The following KCNK9 variants were observed in gnomAD, a reference collection of about 807,000 sequenced individuals.
KCNK9 encodes potassium two pore domain channel subfamily K member 9, also known as potassium channel subfamily K member 9.
Under a neutral mutation model 10.8 loss-of-function variants are expected in KCNK9, and 1 was observed. That is an observed-to-expected ratio of 0.09 (90% CI 0.03 to 0.44). KCNK9 has a LOEUF of 0.44. Among genes scored for constraint, KCNK9 ranks in the 20% least tolerant of loss-of-function variants. The pLI is 0.97. For synonymous variants in KCNK9, 231 were observed against 222.7 expected, an observed-to-expected ratio of 1.04 and a Z score of -0.33; for missense variants, 303 against 515.0, an observed-to-expected ratio of 0.59 and a Z score of 3.98.
chr8:139,643,840 C>T (rs1269769815), intron 1 of KCNK9, among the ~76,000 whole-genome samples: 1 of 152,198 alleles, frequency 6.6e-6, no homozygotes, highest in Admixed American at 6.5e-5. Flanking sequence ...TCAGGTAGGC[C>T]CGCAGGTTCA....
At chr8:139,658,792 G>A (rs918831056) in intron 1 of KCNK9, among the ~76,000 whole-genome samples, 4 of 152,256 alleles carry the variant, frequency 2.6e-5, no homozygotes, top group Non-Finnish European at 5.9e-5. Context: ...TGTCCAGGAA[G>A]CGAGGTGGCT....
chr8:139,677,735 C>T (rs567644351), intron 1 of KCNK9, among the ~76,000 whole-genome samples: 2 of 146,246 alleles, frequency 1.4e-5, no homozygotes, highest in South Asian at 4.1e-4. Context: ...CCAACGGGTC[C>T]CTACAGCTTC....
At chr8:139,626,958 C>T (rs1377220957) in intron 1 of KCNK9, among the ~76,000 whole-genome samples, 2 of 152,162 alleles carry the variant, frequency 1.3e-5, no homozygotes, top group Non-Finnish European at 2.9e-5. Flanking sequence ...GAGCTTCGGC[C>T]CCGCTCAGGC....
At chr8:139,675,421 T>C (rs1256354624) in intron 1 of KCNK9, among the ~76,000 whole-genome samples, 2 of 152,182 alleles carry the variant, frequency 1.3e-5, no homozygotes, top group Non-Finnish European at 2.9e-5. Flanking sequence ...AGGAGGCAAT[T>C]AGGTCCTGGG....
intron 1 of KCNK9, among the ~76,000 whole-genome samples, chr8:139,700,485 TACACACACACACAC>T (rs374444340): frequency 3.6e-4 from 52 of 142,872 alleles, no homozygotes; most frequent in African/African-American, 1.2e-3. Flanking sequence ...CACATACACA[TACACACACACACAC>T]ACACACACAC....
chr8:139,615,229 C>G (rs1814547381), downstream of KCNK9, among the ~76,000 whole-genome samples: 1 of 152,008 alleles, frequency 6.6e-6, no homozygotes, highest in Non-Finnish European at 1.5e-5. Flanking sequence ...AATCCTCTCT[C>G]TGTGACCTCT....
intron 1 of KCNK9, among the ~76,000 whole-genome samples, chr8:139,635,487 G>A (rs1815309754): frequency 6.6e-6 from 1 of 152,182 alleles, no homozygotes; most frequent in Non-Finnish European, 1.5e-5. Flanking sequence ...GTCCTGGTGA[G>A]CCCACCTCAT....
At chr8:139,633,573 G>A (rs986530718) in intron 1 of KCNK9, among the ~76,000 whole-genome samples, 2 of 152,152 alleles carry the variant, frequency 1.3e-5, no homozygotes, top group South Asian at 4.1e-4. Context: ...TCAGACACAC[G>A]TATACGCTCA....
intron 1 of KCNK9, among the ~76,000 whole-genome samples, chr8:139,686,803 G>A (rs538406615): frequency 2.0e-5 from 3 of 152,116 alleles, no homozygotes; most frequent in Admixed American, 2.0e-4. Flanking sequence ...TAAAACACAC[G>A]CTTCAAATAA....
Position 139,702,525 on chromosome 8 carries a change from A to G in KCNK9, c.283+185T>C, listed in dbSNP as rs1017888526. On this transcript the variant is annotated intron_variant, in intron 1 of 1. Transcript: ENST00000520439. This position sits in a 1 kb window ranked among gnomAD's most constrained non-coding sequence, Gnocchi z 7.5. Reference sequence around the variant, plus strand: ...GGAGAGCACCGGGTGGGGTCCCCGAAGGGTGAGGCTCGGAGGCGCCGCGGA... The same window carrying G: ...GGAGAGCACCGGGTGGGGTCCCCGAGGGGTGAGGCTCGGAGGCGCCGCGGA... 8.5e-4 allele frequency among the ~76,000 whole-genome samples: 129 copies of G among 152,084 alleles called. No homozygotes were observed. The highest frequency in any genetic ancestry group is 3.0e-3 in the African/African-American group (123 of 41,522).
intron 1 of KCNK9, among the ~76,000 whole-genome samples, chr8:139,654,771 C>CT (rs1329376777): frequency 6.6e-6 from 1 of 152,222 alleles, no homozygotes; most frequent in African/African-American, 2.4e-5. Context: ...AGATCAGCGG[C>CT]TTGTTCACCA....
chr8:139,632,792 T>A (rs1815214275), intron 1 of KCNK9, among the ~76,000 whole-genome samples: 1 of 152,066 alleles, frequency 6.6e-6, no homozygotes, highest in Non-Finnish European at 1.5e-5. Context: ...CGAGAAACAG[T>A]GGCTGTGATG....
chr8:139,653,499 A>C (rs1586666685), intron 1 of KCNK9, among the ~76,000 whole-genome samples: 1 of 149,606 alleles, frequency 6.7e-6, no homozygotes. Context: ...CCCAACAGAG[A>C]CCTCCCCCAC....
At chr8:139,648,713 C>T (rs1011467009) in intron 1 of KCNK9, among the ~76,000 whole-genome samples, 16 of 152,236 alleles carry the variant, frequency 1.1e-4, no homozygotes, top group African/African-American at 3.1e-4. Context: ...GGTAAGGACG[C>T]GGCCCCTGCC....
chr8:139,668,465 A>G (rs910805477), intron 1 of KCNK9, among the ~76,000 whole-genome samples: 1 of 142,894 alleles, frequency 7.0e-6, no homozygotes, highest in Middle Eastern at 3.5e-3. Context: ...CTTGTTGCCC[A>G]GGTTAGAGTG....
intron 1 of KCNK9, among the ~76,000 whole-genome samples, chr8:139,677,642 AAGACCC>A (rs1816580012): frequency 8.4e-5 from 3 of 35,504 alleles, no homozygotes; most frequent in African/African-American, 2.6e-4. Context: ...CCAGCCCAAC[AAGACCC>A]CAGGGCTGCA....
rs1041412272 is a variant in KCNK9 at position 139,661,301 on chromosome 8, C to T, written c.283+41409G>A. ...GCTTACATCCCAGTGTGGGGATCCC[C>T]CCACCCCAACTCAGCGCTTTGGGAC... On this transcript the variant is annotated intron_variant, in intron 1 of 1. Coordinates refer to ENST00000520439, the MANE Select transcript of KCNK9 (RefSeq NM_001282534.2). 5.3e-5 allele frequency among the ~76,000 whole-genome samples: 8 copies of T among 152,218 alleles called. No individual in the cohort carries two copies. The South Asian group carries it at 6.2e-4, about 12-fold the overall frequency.
chr8:139,676,675 G>A (rs1337313576), intron 1 of KCNK9, among the ~76,000 whole-genome samples: 1 of 152,212 alleles, frequency 6.6e-6, no homozygotes, highest in African/African-American at 2.4e-5. Context: ...TCATGGCCGA[G>A]CACGGTGGCT....
intron 1 of KCNK9, among the ~76,000 whole-genome samples, chr8:139,653,581 G>A (rs1188904333): frequency 6.6e-6 from 1 of 151,364 alleles, no homozygotes; most frequent in Admixed American, 6.6e-5. Flanking sequence ...ATGGGAATGT[G>A]AGCCCTGTAG....
Sources: allele counts gnomAD v4.1 joint callset (sites outside exome capture counted in the v4.1 genomes callset), GRCh38; gene constraint gnomAD v4.1.1; non-coding constraint Gnocchi (gnomAD v3.1); transcripts MANE v1.5; gene names NCBI Gene and HGNC (gene_info 2026-07-23, HGNC 2026-07-21).